CMSS1: variants seen among roughly 807,000 people sequenced by gnomAD.
CMSS1 encodes the protein cms1 ribosomal small subunit homolog.
CMSS1 carries 33 observed loss-of-function variants against 43.5 expected under a neutral mutation model. The observed-to-expected ratio is 0.76, with a 90% CI of 0.57 to 1.01. The LOEUF (loss-of-function observed/expected upper bound fraction) is 1.01, where lower values mean the gene tolerates loss of function less well. Among genes scored for constraint, CMSS1 ranks in the 50% least tolerant of loss-of-function variants. The probability of loss-of-function intolerance (pLI) is 0.00; values close to 1 mark genes in which losing one functional copy is unlikely to be tolerated. For synonymous variants in CMSS1, 115 were observed against 117.2 expected (o/e 0.98, Z 0.12); for missense variants, 313 against 326.4 (o/e 0.96, Z 0.32).
At chr3:100,079,136 C>T (rs1324107507) in intron 1 of CMSS1, among the ~76,000 whole-genome samples, 1 of 152,194 alleles carries the variant, frequency 6.6e-6, no homozygotes, top group Non-Finnish European at 1.5e-5. Flanking sequence ...CCCCAGTCCT[C>T]TCAGCGTTAG....
At chr3:100,023,981 A>G (rs1214226827) in intron 1 of CMSS1, among the ~76,000 whole-genome samples, 1 of 152,152 alleles carries the variant, frequency 6.6e-6, no homozygotes, top group Non-Finnish European at 1.5e-5. Flanking sequence ...ATACCAACCT[A>G]TGATTCTCAG....
In CMSS1 at chr3:100,082,429, A is replaced by G. The variant is rs1276705799; in HGVS notation, c.65-64544A>G. On this transcript the variant is annotated intron_variant, in intron 1 of 9. Transcript: ENST00000421999. ...ACAGATAAGAAAACTCACTGTTATC[A>G]TAACTTACAGCTTTAAGACTGGTAG... 3.9e-5 allele frequency among the ~76,000 whole-genome samples: 6 copies of G among 152,340 alleles called. No individual in the cohort carries two copies. In the South Asian group the frequency reaches 6.2e-4, roughly 16 times the overall value.
chr3:100,109,919 A>T (rs1404418795), intron 1 of CMSS1: 2 of 33,870 alleles, frequency 5.9e-5, no homozygotes. Context: ...CCCCCCCAGC[A>T]CCACCCCCCA....
chr3:99,879,137 A>C (rs751098584), intron 1 of CMSS1, among the ~76,000 whole-genome samples: 3 of 152,100 alleles, frequency 2.0e-5, no homozygotes, highest in Non-Finnish European at 4.4e-5. Flanking sequence ...TAGTAATCTG[A>C]GTTTATGATC....
intron 1 of CMSS1, among the ~76,000 whole-genome samples, chr3:100,026,174 G>C (rs1465275443): frequency 6.6e-6 from 1 of 152,166 alleles, no homozygotes; most frequent in African/African-American, 2.4e-5. Flanking sequence ...AAATCTGGAA[G>C]AGTAGGCTGT....
chr3:100,126,898 T>C (rs1372158388), intron 1 of CMSS1, among the ~76,000 whole-genome samples: 1 of 151,836 alleles, frequency 6.6e-6, no homozygotes, highest in Non-Finnish European at 1.5e-5. Flanking sequence ...CTCAGGAGGC[T>C]GAGGCAGGAG....
intron 2 of CMSS1, among the ~76,000 whole-genome samples, chr3:100,156,928 G>T (rs1403919146): frequency 1.3e-5 from 2 of 152,010 alleles, no homozygotes; most frequent in Non-Finnish European, 1.5e-5. Context: ...TTTTGTTGTT[G>T]TTGTTGTTGT....
At chr3:99,967,264 T>C (rs188521160) in intron 1 of CMSS1, among the ~76,000 whole-genome samples, 22 of 152,340 alleles carry the variant, frequency 1.4e-4, no homozygotes, top group Admixed American at 1.3e-3. Context: ...CCCTCTGATA[T>C]TAATACTTAC....
intron 1 of CMSS1, among the ~76,000 whole-genome samples, chr3:100,101,009 T>C (rs2066295125): frequency 2.6e-5 from 4 of 152,196 alleles, no homozygotes; most frequent in African/African-American, 9.6e-5. Context: ...CAGTGGCATC[T>C]CACTTGCATG....
chr3:99,859,429 G>A (rs750439532), intron 1 of CMSS1, among the ~76,000 whole-genome samples: 1 of 152,200 alleles, frequency 6.6e-6, no homozygotes, highest in Non-Finnish European at 1.5e-5. Flanking sequence ...TCCTAAGTAT[G>A]TAACTTCATT....
At chr3:100,041,440 T>C (rs1412208375) in intron 1 of CMSS1, 2 of 152,208 alleles carry the variant, frequency 1.3e-5, no homozygotes, top group Non-Finnish European at 2.9e-5. Context: ...TTTTTCTTTA[T>C]GTGCATCCCT....
rs555809950 is a variant in CMSS1 at position 99,865,165 on chromosome 3, G to A, written c.64+47122G>A. 1.0e-3 allele frequency among the ~76,000 whole-genome samples: 158 copies of A among 152,234 alleles called. 1 individual carries two copies. Among genetic ancestry groups the A allele is most frequent in the Non-Finnish European group, 1.7e-3 (117 of 68,012 alleles). On this transcript the variant is annotated intron_variant, in intron 1 of 9. Coordinates refer to ENST00000421999, the MANE Select transcript of CMSS1 (RefSeq NM_032359.4). The stretch of plus-strand genomic sequence containing the variant: ...GAACAATTTTTATATGCCATGTACC[G>A]TGTTAGTCCTGCAAACAGTCATAGG...
chr3:99,873,407 G>A (rs151187487), intron 1 of CMSS1, among the ~76,000 whole-genome samples: 2 of 152,304 alleles, frequency 1.3e-5, no homozygotes, highest in African/African-American at 4.8e-5. Context: ...CCTGAAGCAG[G>A]TTGAGACCAA....
intron 1 of CMSS1, among the ~76,000 whole-genome samples, chr3:100,120,027 C>T (rs1193695246): frequency 6.6e-6 from 1 of 152,152 alleles, no homozygotes; most frequent in Non-Finnish European, 1.5e-5. Flanking sequence ...ATAATTTTCT[C>T]AAGTGAAAAT....
intron 1 of CMSS1, among the ~76,000 whole-genome samples, chr3:99,954,908 A>G (rs987563349): frequency 6.6e-6 from 1 of 152,248 alleles, no homozygotes; most frequent in Non-Finnish European, 1.5e-5. Flanking sequence ...GCTAAGCACC[A>G]CGTCTGGCAT....
intron 1 of CMSS1, chr3:100,075,464 C>T (rs949228902): frequency 7.2e-5 from 11 of 152,134 alleles, no homozygotes; most frequent in Admixed American, 5.2e-4. Flanking sequence ...TTAAACATCT[C>T]TTGCATTTTT....
At chr3:100,002,456 C>G (rs565012116) in intron 1 of CMSS1, among the ~76,000 whole-genome samples, 1 of 152,318 alleles carries the variant, frequency 6.6e-6, no homozygotes, top group African/African-American at 2.4e-5. Context: ...CCACCAGTTT[C>G]TGCCTGCCAC....
chr3:100,101,098 A>C (rs1027428351), intron 1 of CMSS1, among the ~76,000 whole-genome samples: 34 of 152,310 alleles, frequency 2.2e-4, no homozygotes, highest in African/African-American at 7.7e-4. Flanking sequence ...TGGGTGGTAC[A>C]TACTGGAATT....
rs1386773283 is a variant in CMSS1, at chr3:100,066,605, C to T, written c.65-80368C>T. Among the ~76,000 whole-genome samples the T allele has an allele frequency of 9.7e-4, 85 of 87,430 alleles. 9 individuals carry two copies. Among genetic ancestry groups the T allele is most frequent in the Non-Finnish European group, 2.0e-3 (79 of 39,364 alleles). 57.4% of individuals were successfully genotyped at this position (87,430 alleles called of 152,430 possible). A position where few individuals can be genotyped will look rare whatever the true frequency, so the allele number is the denominator to read the frequency against. Reference sequence around the variant, plus strand: ...GGAGTGCAGTGGCGGGATCTCGGCTCACTGCAAGCTCCGCCTCCCGGGTTC... The same window carrying T: ...GGAGTGCAGTGGCGGGATCTCGGCTTACTGCAAGCTCCGCCTCCCGGGTTC... On this transcript the variant is annotated intron_variant, in intron 1 of 9. Transcript: ENST00000421999.
Sources: gnomAD v4.1 joint callset for allele counts (sites outside exome capture counted in the v4.1 genomes callset) on GRCh38, gnomAD v4.1.1 for gene constraint, MANE v1.5 for transcripts, NCBI Gene and HGNC (gene_info 2026-07-23, HGNC 2026-07-21) for gene names.